Variants in ASTN1 observed in about 807,000 individuals in gnomAD.
ASTN1 encodes astrotactin 1, also known as astrotactin-1.
ASTN1 carries 41 observed loss-of-function variants against 140.7 expected under a neutral mutation model. The observed-to-expected ratio is 0.29, with a 90% confidence interval of 0.23 to 0.38. The LOEUF is 0.38. Ranked by LOEUF, ASTN1 falls within the 10% of genes least tolerant of loss-of-function variation. The pLI, the probability that ASTN1 is intolerant of heterozygous loss-of-function variation, is 1.00. For missense variants in ASTN1, 1,479 were observed against 1,678.8 expected (o/e 0.88, Z 2.08); for synonymous variants, 640 against 652.2 (o/e 0.98, Z 0.29).
rs879882773 is a variant in ASTN1, at chr1:176,980,883, T to A, written c.1524-15646A>T. Among the ~76,000 whole-genome samples, 17 of 152,180 alleles carry A rather than the reference T, an allele frequency of 1.1e-4. No homozygotes were observed. The East Asian group carries it at 2.5e-3, about 23-fold the overall frequency. ...TTTCATTCAATCAGCAAACAATTAC[T>A]GAGGGTTTATTATGCGCCAGATACC... is the stretch of plus-strand genomic sequence containing the variant. On this transcript the variant is annotated intron_variant, in intron 8 of 22. Transcript: ENST00000361833.
intron 2 of ASTN1, among the ~76,000 whole-genome samples, chr1:177,045,622 G>A (rs1244217056): frequency 3.3e-5 from 5 of 152,180 alleles, no homozygotes; most frequent in African/African-American, 1.2e-4. Context: ...CAGAGGATAC[G>A]GCTATGTTTT....
At chr1:177,022,760 T>A (rs1675894329) in intron 7 of ASTN1, among the ~76,000 whole-genome samples, 1 of 152,210 alleles carries the variant, frequency 6.6e-6, no homozygotes, top group South Asian at 2.1e-4. Context: ...ATCCTAAATG[T>A]CAAATAATAG....
At chr1:176,939,350 G>C (rs1021406711) in intron 14 of ASTN1, among the ~76,000 whole-genome samples, 3 of 152,118 alleles carry the variant, frequency 2.0e-5, no homozygotes, top group African/African-American at 7.2e-5. Context: ...GGGGAAGAGG[G>C]GAGGGATAAC....
rs74585817 is a variant in ASTN1, at chr1:176,915,850, G to A, written c.2671+18302C>T. ...CTTGCAGTCACTACCATCATAGACC[G>A]TTTAGTGTTAAATTTAGAATTAAAA... is the stretch of plus-strand genomic sequence containing the variant. On this transcript the variant is annotated intron_variant, in intron 16 of 22. Coordinates refer to ENST00000361833, the MANE Select transcript of ASTN1 (RefSeq NM_004319.3). Among the ~76,000 whole-genome samples the A allele has an allele frequency of 3.7e-3, 563 of 152,234 alleles. 6 individuals carry two copies. Among genetic ancestry groups the A allele is most frequent in the African/African-American group, 0.013 (536 of 41,542 alleles).
In ASTN1 at chr1:176,866,629, G is replaced by A. The variant is rs58098947; in HGVS notation, c.3648-2108C>T. Among the ~76,000 whole-genome samples, 738 of 152,012 alleles carry A rather than the reference G, an allele frequency of 4.9e-3. 8 individuals are homozygous for A. The highest frequency in any genetic ancestry group is 0.017 in the African/African-American group (689 of 41,376). ...AATTAAATTAGTCCACACAGCCTTC[G>A]TTGCTGCTTTCAGTGCTCACTTTAA... On this transcript the variant is annotated intron_variant, in intron 22 of 22. Transcript: ENST00000361833.
chr1:177,023,919 C>T (rs1675961980), intron 6 of ASTN1, among the ~76,000 whole-genome samples: 1 of 152,200 alleles, frequency 6.6e-6, no homozygotes, highest in African/African-American at 2.4e-5. Context: ...TGGCACTCCT[C>T]CAAAGAACAG....
At chr1:177,140,087 T>C (rs1682393890) in intron 1 of ASTN1, among the ~76,000 whole-genome samples, 1 of 152,038 alleles carries the variant, frequency 6.6e-6, no homozygotes, top group African/African-American at 2.4e-5. Context: ...TCTTAAAAAA[T>C]AAACATATGG....
In ASTN1 at chr1:177,164,517, T is replaced by C. The variant is rs1558142629; in HGVS notation, c.160A>G (p.Ser54Gly). 4 of 1,612,902 alleles carry C rather than the reference T, an allele frequency of 2.5e-6. No homozygotes were observed. The highest frequency in any genetic ancestry group is 3.4e-6 in the Non-Finnish European group (4 of 1,179,848). The change falls in exon 1 of 23, where the codon AGC becomes GGC. Residue 54 changes from serine (S) to glycine (G), a missense_variant. Coordinates refer to ENST00000361833, the MANE Select transcript of ASTN1 (RefSeq NM_004319.3). ...GAGGCCGAGGGGCTGTGCATGATGC[T>C]CAGGTCGTTCTCGCGCAGGAAGGGC... ...ALPFLRENDL[S>G]IMHSPSASEP...
At chr1:177,100,460 T>G (rs1274967363) in intron 1 of ASTN1, among the ~76,000 whole-genome samples, 4 of 152,088 alleles carry the variant, frequency 2.6e-5, no homozygotes, top group Non-Finnish European at 5.9e-5. Flanking sequence ...CATAGAATTC[T>G]TCCACTGATA....
chr1:177,009,014 C>A (rs141259636), intron 8 of ASTN1, among the ~76,000 whole-genome samples: 1 of 152,136 alleles, frequency 6.6e-6, no homozygotes, highest in Non-Finnish European at 1.5e-5. Flanking sequence ...TCAGAAATTT[C>A]CTATGTCACA....
At chr1:176,988,564 G>A (rs1210186889) in intron 8 of ASTN1, among the ~76,000 whole-genome samples, 2 of 152,170 alleles carry the variant, frequency 1.3e-5, no homozygotes, top group Non-Finnish European at 2.9e-5. Flanking sequence ...ACATAAATGT[G>A]TTTGAGAGTC....
At chr1:177,047,953 C>T (rs1167769631) in intron 2 of ASTN1, among the ~76,000 whole-genome samples, 1 of 152,172 alleles carries the variant, frequency 6.6e-6, no homozygotes, top group Non-Finnish European at 1.5e-5. Context: ...CTGGAACGAT[C>T]AGCTAGGTAA....
At chr1:176,874,863 G>A (rs1668497791) in intron 21 of ASTN1, among the ~76,000 whole-genome samples, 1 of 152,020 alleles carries the variant, frequency 6.6e-6, no homozygotes, top group Non-Finnish European at 1.5e-5. Flanking sequence ...TGAAGATCAA[G>A]CAGTTAGATG....
chr1:177,051,659 A>G (rs1298090650), intron 2 of ASTN1, among the ~76,000 whole-genome samples: 2 of 152,176 alleles, frequency 1.3e-5, no homozygotes, highest in Non-Finnish European at 2.9e-5. Context: ...AGATTTAAAG[A>G]TGACCTCGGG....
At chr1:177,108,108 G>C (rs914534772) in intron 1 of ASTN1, among the ~76,000 whole-genome samples, 4 of 152,082 alleles carry the variant, frequency 2.6e-5, no homozygotes, top group African/African-American at 9.7e-5. Flanking sequence ...TCAGCACTTT[G>C]GGAAGCTGAG....
intron 16 of ASTN1, among the ~76,000 whole-genome samples, chr1:176,922,669 G>A (rs1571514089): frequency 6.6e-6 from 1 of 151,882 alleles, no homozygotes; most frequent in East Asian, 1.9e-4. Context: ...GGTTGGCAAA[G>A]GAGGTGATCC....
chr1:177,062,922 G>C (rs539289470), intron 1 of ASTN1, among the ~76,000 whole-genome samples: 55 of 152,294 alleles, frequency 3.6e-4, no homozygotes, highest in Non-Finnish European at 6.2e-4. Flanking sequence ...TGTGACACCA[G>C]TGGCAAAGCT....
At chr1:177,131,521 T>A (rs2102203551) in intron 1 of ASTN1, among the ~76,000 whole-genome samples, 1 of 145,454 alleles carries the variant, frequency 6.9e-6, no homozygotes, top group Middle Eastern at 3.5e-3. Flanking sequence ...CCAGAATTCA[T>A]AAAATTACAT....
intron 2 of ASTN1, among the ~76,000 whole-genome samples, chr1:177,042,907 C>A (rs1010537915): frequency 6.6e-6 from 1 of 152,196 alleles, no homozygotes; most frequent in Non-Finnish European, 1.5e-5. Flanking sequence ...AAGTGAGGAT[C>A]CCTAAATGTC....
Sources: allele counts gnomAD v4.1 joint callset (sites outside exome capture counted in the v4.1 genomes callset), GRCh38; gene constraint gnomAD v4.1.1; transcripts MANE v1.5; gene names NCBI Gene and HGNC (gene_info 2026-07-23, HGNC 2026-07-21).